The following WDFY2 variants were observed in gnomAD, a reference collection of about 807,000 sequenced individuals.
WDFY2 encodes the protein WD repeat and FYVE domain containing 2, also known as WD repeat and FYVE domain-containing protein 2.
A neutral mutation model predicts 56.4 loss-of-function variants in WDFY2; 36 were observed. The observed-to-expected ratio is 0.64, with a 90% CI of 0.49 to 0.84. The LOEUF is 0.84. Among genes scored for constraint, WDFY2 ranks in the 40% least tolerant of loss-of-function variants. WDFY2 has a pLI of 0.00. For synonymous variants in WDFY2, 176 were observed against 183.7 expected (o/e 0.96, Z 0.34); for missense variants, 444 against 512.2 (o/e 0.87, Z 1.29).
intron 2 of WDFY2, among the ~76,000 whole-genome samples, chr13:51,671,485 C>T (rs897372156): frequency 6.6e-6 from 1 of 152,054 alleles, no homozygotes; most frequent in Non-Finnish European, 1.5e-5. Context: ...AGCGATTTTT[C>T]AAGTTTGTTG....
At position 51,735,981 on chromosome 13, in the gene WDFY2, AC is replaced by A. The variant is rs146297379; in HGVS notation, c.599-3064del. Among the ~76,000 whole-genome samples, 771 of 151,956 alleles carry A rather than the reference AC, an allele frequency of 5.1e-3. 4 individuals carry two copies. Among genetic ancestry groups the A allele is most frequent in the African/African-American group, 0.016 (677 of 41,438 alleles). On this transcript the variant is annotated intron_variant, in intron 6 of 11. Coordinates refer to ENST00000298125, the MANE Select transcript of WDFY2 (RefSeq NM_052950.4). ...CCAAGAACTCCCCTTCCTAGCCCTG[AC>A]CCCTTCTGGCCTGATATAATGTGGC...
chr13:51,658,501 C>T (rs978759077), intron 1 of WDFY2, among the ~76,000 whole-genome samples: 1 of 152,200 alleles, frequency 6.6e-6, no homozygotes. Context: ...ATCTCCATGG[C>T]TGCCTGCCGT....
rs148269840 is a variant in WDFY2 at position 51,611,294 on chromosome 13, A to G, written c.137+26470A>G. ...TGCTTCACTTGGTCAATCTGCATAT[A>G]CTTGAAGAATATGTATAGTCACAGT... On this transcript the variant is annotated intron_variant, in intron 1 of 11. Coordinates refer to ENST00000298125, the MANE Select transcript of WDFY2 (RefSeq NM_052950.4). 8.4e-3 allele frequency among the ~76,000 whole-genome samples: 1,283 copies of G among 152,312 alleles called. 18 individuals are homozygous for G. Among genetic ancestry groups the G allele is most frequent in the African/African-American group, 0.029 (1,224 of 41,540 alleles).
At chr13:51,622,791 G>A (rs543971726) in intron 1 of WDFY2, among the ~76,000 whole-genome samples, 1 of 151,354 alleles carries the variant, frequency 6.6e-6, no homozygotes, top group Admixed American at 6.6e-5. Flanking sequence ...AAATAAGGAT[G>A]ATCATGTAAT....
At chr13:51,745,259 G>A (rs867827481) in intron 7 of WDFY2, among the ~76,000 whole-genome samples, 6 of 152,240 alleles carry the variant, frequency 3.9e-5, no homozygotes, top group Admixed American at 6.5e-5. Flanking sequence ...GAGAGATAGG[G>A]AAAACCCAAT....
chr13:51,660,178 T>C (rs1222350232), intron 1 of WDFY2, among the ~76,000 whole-genome samples: 1 of 152,066 alleles, frequency 6.6e-6, no homozygotes, highest in Non-Finnish European at 1.5e-5. Context: ...TACATAGGTA[T>C]GTTAAGATAT....
At chr13:51,626,415 C>T (rs1280612474) in intron 1 of WDFY2, among the ~76,000 whole-genome samples, 1 of 152,178 alleles carries the variant, frequency 6.6e-6, no homozygotes. Context: ...ATTATACCAA[C>T]ATACACAAAA....
chr13:51,756,560 T>C, intron 10 of WDFY2, 98 bp downstream of exon 10: 3 of 1,473,032 alleles, frequency 2.0e-6, no homozygotes. Context: ...TTGCTCTAGT[T>C]TCTGCTGGTT....
chr13:51,703,737 C>T, intron 4 of WDFY2, 87 bp downstream of exon 4: 1 of 1,135,644 alleles, frequency 8.8e-7, no homozygotes, highest in Non-Finnish European at 1.3e-6. Flanking sequence ...ACATACTTTA[C>T]AATCATCAGG....
chr13:51,649,977 G>A (rs1204562487), intron 1 of WDFY2, among the ~76,000 whole-genome samples: 2 of 151,898 alleles, frequency 1.3e-5, no homozygotes, highest in Admixed American at 6.6e-5. Context: ...AGCTTGATGG[G>A]GATGGCATTG....
intron 1 of WDFY2, among the ~76,000 whole-genome samples, chr13:51,612,462 A>C (rs1271863468): frequency 1.3e-5 from 2 of 152,234 alleles, no homozygotes; most frequent in Non-Finnish European, 2.9e-5. Flanking sequence ...TTGTGTTTCA[A>C]ATTAACACTT....
At chr13:51,665,428 G>A (rs776777259) in intron 2 of WDFY2, among the ~76,000 whole-genome samples, 1 of 152,308 alleles carries the variant, frequency 6.6e-6, no homozygotes. Flanking sequence ...TCTAATAGAT[G>A]TAATTTCAAC....
intron 7 of WDFY2, among the ~76,000 whole-genome samples, chr13:51,743,871 A>C (rs981073191): frequency 9.9e-5 from 15 of 152,236 alleles, no homozygotes; most frequent in African/African-American, 3.6e-4. Context: ...GGTTACCCAG[A>C]ACAGAGAATG....
chr13:51,596,867 G>A (rs1395097862), intron 1 of WDFY2, among the ~76,000 whole-genome samples: 1 of 152,200 alleles, frequency 6.6e-6, no homozygotes, highest in Non-Finnish European at 1.5e-5. Context: ...CTTGGGCTGT[G>A]TAGCCATATT....
At chr13:51,605,469 T>A (rs137941058) in intron 1 of WDFY2, among the ~76,000 whole-genome samples, 111 of 152,300 alleles carry the variant, frequency 7.3e-4, no homozygotes, top group African/African-American at 2.5e-3. Flanking sequence ...TAGATGTTAG[T>A]GTTTGTTATT....
At chr13:51,736,291 G>A (rs948190654) in intron 6 of WDFY2, among the ~76,000 whole-genome samples, 3 of 152,158 alleles carry the variant, frequency 2.0e-5, no homozygotes, top group African/African-American at 7.2e-5. Flanking sequence ...TGAGACTTCT[G>A]AGGCACAGAA....
At chr13:51,619,937 C>T (rs1954694083) in intron 1 of WDFY2, among the ~76,000 whole-genome samples, 1 of 152,110 alleles carries the variant, frequency 6.6e-6, no homozygotes, top group Non-Finnish European at 1.5e-5. Context: ...GTTATTGTTC[C>T]CTATGTATGG....
chr13:51,704,737 A>G lies in WDFY2; in HGVS notation c.334+1087A>G, dbSNP rs192270104. 9.1e-3 allele frequency among the ~76,000 whole-genome samples: 1,387 copies of G among 152,318 alleles called. 17 individuals are homozygous for G. The highest frequency in any genetic ancestry group is 0.032 in the African/African-American group (1,311 of 41,560). Reference sequence around the variant, plus strand: ...TACCTGAGCCTTTATTCTTTAAAACAGTTTTTACATGTATCCTATAAATAT... The same window carrying G: ...TACCTGAGCCTTTATTCTTTAAAACGGTTTTTACATGTATCCTATAAATAT... On this transcript the variant is annotated intron_variant, in intron 4 of 11. Transcript: ENST00000298125.
At chr13:51,755,309 T>C (rs1294269592) in intron 8 of WDFY2, 49 bp from the exon 9 acceptor site, 2 of 1,575,762 alleles carry the variant, frequency 1.3e-6, no homozygotes, top group South Asian at 2.2e-5. Context: ...TGGTTTCCAT[T>C]GTCCTGACTG....
Sources: allele counts gnomAD v4.1 joint callset (sites outside exome capture counted in the v4.1 genomes callset), GRCh38; gene constraint gnomAD v4.1.1; transcripts MANE v1.5; gene names NCBI Gene and HGNC (gene_info 2026-07-23, HGNC 2026-07-21).